Variants in DENND2A observed in about 807,000 individuals in gnomAD.
DENND2A encodes DENN domain containing 2A, also known as DENN domain-containing protein 2A.
In DENND2A, 53 loss-of-function variants were observed where a neutral mutation model predicts 105.3. The ratio of observed to expected loss-of-function variants is 0.50; its 90% CI spans 0.40 to 0.63. The LOEUF (loss-of-function observed/expected upper bound fraction) is 0.63, where lower values mean the gene tolerates loss of function less well. Among genes scored for constraint, DENND2A ranks in the 30% least tolerant of loss-of-function variants. The pLI, the probability that DENND2A is intolerant of heterozygous loss-of-function variation, is 0.00. For synonymous variants in DENND2A, 522 were observed against 508.4 expected, an observed-to-expected ratio of 1.03 and a Z score of -0.36; for missense variants, 1,138 against 1,279.6, an observed-to-expected ratio of 0.89 and a Z score of 1.69.
rs1469491713 is a variant in DENND2A at position 140,523,491 on chromosome 7, G to A, written c.2548-67C>T. ...CTGCGTCTTGGCCATAGGACACACT[G>A]GAGCCACTGCAGGGCAGGCCTGGCT... On this transcript the variant is annotated intron_variant, in intron 16 of 19. Coordinates refer to ENST00000496613, the MANE Select transcript of DENND2A (RefSeq NM_015689.5). This position sits in a 1 kb window ranked among gnomAD's most constrained non-coding sequence, Gnocchi z 4.5. 1.4e-6 allele frequency: 2 copies of A among 1,386,418 alleles called. No homozygotes were observed. The highest frequency in any genetic ancestry group is 4.6e-5 in the East Asian group (2 of 43,576). 85.9% of individuals were successfully genotyped at this position (1,386,418 alleles called of 1,614,324 possible).
intron 3 of DENND2A, among the ~76,000 whole-genome samples, chr7:140,590,680 C>A (rs1483754634): frequency 6.6e-6 from 1 of 151,696 alleles, no homozygotes; most frequent in East Asian, 2.0e-4. Flanking sequence ...GCCTGGGCAA[C>A]AAAGTAAGAT....
At chr7:140,622,866 C>G (rs1800348066) in intron 1 of DENND2A, among the ~76,000 whole-genome samples, 1 of 152,126 alleles carries the variant, frequency 6.6e-6, no homozygotes, top group Non-Finnish European at 1.5e-5. Context: ...GCCATCATGC[C>G]AGGCCCCTAT....
In DENND2A at chr7:140,555,627, A is replaced by G. The variant is rs368694557; in HGVS notation, c.2037+9T>C. 1.9e-6 allele frequency: 3 copies of G among 1,611,380 alleles called. No individual in the cohort carries two copies. Among genetic ancestry groups the G allele is most frequent in the Non-Finnish European group, 1.7e-6 (2 of 1,179,086 alleles). ...TCCCTTCCTCTTTCTCTGAGGTCCA[A>G]GTTCTCACCCTTGAAAAGAGGCTGA... On this transcript the variant is annotated intron_variant, in intron 12 of 19. Transcript: ENST00000496613.
rs185421449 is a variant in DENND2A at position 140,532,036 on chromosome 7, G to C, written c.2328-4541C>G. On this transcript the variant is annotated intron_variant, in intron 14 of 19. Transcript: ENST00000496613. Reference sequence around the variant, plus strand: ...CCAGCACTTTGGGAAGCTGAGGCAGGTAGATCACCTGAGGTCAGGAGTTCG... The same window carrying C: ...CCAGCACTTTGGGAAGCTGAGGCAGCTAGATCACCTGAGGTCAGGAGTTCG... Among the ~76,000 whole-genome samples the C allele has an allele frequency of 4.6e-5, 7 of 152,146 alleles. No homozygotes were observed. The East Asian group carries it at 1.4e-3, about 29-fold the overall frequency.
intron 5 of DENND2A, among the ~76,000 whole-genome samples, chr7:140,574,418 C>A (rs1345762615): frequency 6.6e-6 from 1 of 152,004 alleles, no homozygotes; most frequent in Non-Finnish European, 1.5e-5. Context: ...GAGGTTTCAC[C>A]GTGTTGCCCA....
intron 1 of DENND2A, among the ~76,000 whole-genome samples, chr7:140,619,185 C>T (rs536009749): frequency 1.3e-5 from 2 of 152,196 alleles, no homozygotes; most frequent in South Asian, 2.1e-4. Context: ...ATAGCTGTTA[C>T]TTATAATATT....
intron 5 of DENND2A, among the ~76,000 whole-genome samples, chr7:140,584,839 T>C (rs1302500569): frequency 6.6e-6 from 1 of 152,216 alleles, no homozygotes; most frequent in East Asian, 1.9e-4. Context: ...TATATGCATG[T>C]TATTTCATTT....
At position 140,594,533 on chromosome 7, in the gene DENND2A, A is replaced by G. The variant is rs1457186778; in HGVS notation, c.996-6753T>C. ...CTACACATCCCTGCTGAATGTTCCC[A>G]TGGCACCAGGATTCCTCACAGCACT... On this transcript the variant is annotated intron_variant, in intron 3 of 19. Coordinates refer to ENST00000496613, the MANE Select transcript of DENND2A (RefSeq NM_015689.5). Among the ~76,000 whole-genome samples, 4 of 152,248 alleles carry G rather than the reference A, an allele frequency of 2.6e-5. No homozygotes were observed. The East Asian group carries it at 7.7e-4, about 29-fold the overall frequency.
chr7:140,625,597 G>T (rs776208668), intron 1 of DENND2A, among the ~76,000 whole-genome samples: 3 of 151,728 alleles, frequency 2.0e-5, no homozygotes, highest in Non-Finnish European at 1.5e-5. Flanking sequence ...CAGGAGAATT[G>T]CTTGAATGCA....
chr7:140,554,265 C>T (rs1015552566), intron 12 of DENND2A, among the ~76,000 whole-genome samples: 2 of 151,986 alleles, frequency 1.3e-5, no homozygotes, highest in Non-Finnish European at 2.9e-5. Flanking sequence ...CTTTAACATT[C>T]ATGGACCGTA....
At chr7:140,574,344 G>A (rs1585667426) in intron 5 of DENND2A, among the ~76,000 whole-genome samples, 1 of 151,982 alleles carries the variant, frequency 6.6e-6, no homozygotes, top group Admixed American at 6.6e-5. Flanking sequence ...TGAGCCTCTC[G>A]AGTAGCTGGG....
intron 5 of DENND2A, among the ~76,000 whole-genome samples, chr7:140,578,307 C>T (rs1489048521): frequency 6.6e-6 from 1 of 152,116 alleles, no homozygotes; most frequent in African/African-American, 2.4e-5. Flanking sequence ...GTTCATTAAC[C>T]CTTCTTGTCT....
intron 5 of DENND2A, among the ~76,000 whole-genome samples, chr7:140,579,257 C>A (rs1486674846): frequency 6.6e-6 from 1 of 151,924 alleles, no homozygotes; most frequent in Non-Finnish European, 1.5e-5. Flanking sequence ...TGTGCCACTG[C>A]ACTCCAGACT....
intron 9 of DENND2A, among the ~76,000 whole-genome samples, chr7:140,561,538 C>T (rs1203285606): frequency 7.7e-5 from 10 of 130,530 alleles, no homozygotes; most frequent in Admixed American, 1.7e-4. Flanking sequence ...CTCACTATGT[C>T]GCCCAGGCTG....
At chr7:140,567,304 A>AAGAGAGAGAGAGAGAGAGAGAGAGAG in intron 8 of DENND2A, 31 bp from the exon 9 acceptor site, 2 of 657,342 alleles carry the variant, frequency 3.0e-6, no homozygotes, top group African/African-American at 5.6e-5. Flanking sequence ...GAAAGAGAGA[A>AAGAGAGAGAGAGAGAGAGAGAGAGAG]AGAGAGAGAG....
chr7:140,540,769 G>C (rs1023176025), intron 14 of DENND2A, among the ~76,000 whole-genome samples: 5 of 151,976 alleles, frequency 3.3e-5, no homozygotes, highest in Admixed American at 6.6e-5. Context: ...CCAGGCAGGA[G>C]TGCGATGGCA....
Position 140,583,108 on chromosome 7 carries a change from G to A in DENND2A, c.1245+2481C>T, listed in dbSNP as rs1416458950. On this transcript the variant is annotated intron_variant, in intron 5 of 19. Coordinates refer to ENST00000496613, the MANE Select transcript of DENND2A (RefSeq NM_015689.5). ...AGATCGAGACCATCCTGGCTAACAC[G>A]GTGAAACCCCATCTCTACTAAAAAA... Among the ~76,000 whole-genome samples the A allele has an allele frequency of 2.0e-5, 3 of 151,656 alleles. No individual in the cohort carries two copies. The East Asian group carries it at 5.8e-4, about 30-fold the overall frequency.
At chr7:140,633,452 G>A (rs759492333) in intron 1 of DENND2A, among the ~76,000 whole-genome samples, 2 of 152,158 alleles carry the variant, frequency 1.3e-5, no homozygotes, top group Non-Finnish European at 2.9e-5. Flanking sequence ...ACCGCGCCTG[G>A]CCTAATGCTC....
At chr7:140,533,870 C>T (rs1024684553) in intron 14 of DENND2A, among the ~76,000 whole-genome samples, 3 of 152,118 alleles carry the variant, frequency 2.0e-5, no homozygotes, top group African/African-American at 7.2e-5. Flanking sequence ...CGGCAACAAG[C>T]AGGCAGGTGA....
Sources: allele counts gnomAD v4.1 joint callset (sites outside exome capture counted in the v4.1 genomes callset), GRCh38; gene constraint gnomAD v4.1.1; non-coding constraint Gnocchi (gnomAD v3.1); transcripts MANE v1.5; gene names NCBI Gene and HGNC (gene_info 2026-07-23, HGNC 2026-07-21).